LTBP1: variants seen among roughly 807,000 people sequenced by gnomAD.
LTBP1 encodes latent transforming growth factor beta binding protein 1.
In LTBP1, 129 loss-of-function variants were observed where a neutral mutation model predicts 207.6. The observed-to-expected ratio is 0.62, with a 90% CI of 0.54 to 0.72. LTBP1 has a LOEUF of 0.72. Among genes scored for constraint, LTBP1 ranks in the 30% least tolerant of loss-of-function variants. The probability of loss-of-function intolerance (pLI) is 0.00; values close to 1 mark genes in which losing one functional copy is unlikely to be tolerated. For missense variants in LTBP1, 2,281 were observed against 2,217.2 expected (o/e 1.03, Z -0.58); for synonymous variants, 963 against 833.7 (o/e 1.16, Z -2.67).
chr2:33,287,813 G>A (rs1161837069), intron 19 of LTBP1, among the ~76,000 whole-genome samples: 1 of 152,356 alleles, frequency 6.6e-6, no homozygotes, highest in South Asian at 2.1e-4. Context: ...AGAATTGACA[G>A]AGGGGGTGTG....
At chr2:33,172,353 C>A (rs1237199354) in intron 5 of LTBP1, among the ~76,000 whole-genome samples, 1 of 152,064 alleles carries the variant, frequency 6.6e-6, no homozygotes, top group African/African-American at 2.4e-5. Context: ...GGGTTGCAAT[C>A]CTAGTCTCTG....
intron 9 of LTBP1, among the ~76,000 whole-genome samples, chr2:33,228,695 CCCTTTTT>C (rs1277932896): frequency 3.3e-5 from 2 of 60,696 alleles, no homozygotes; most frequent in Admixed American, 3.3e-4. Context: ...CAGGGTTATA[CCCTTTTT>C]TTTTTTTTTT....
At chr2:33,110,495 A>G (rs1652661700) in intron 3 of LTBP1, 87 bp from the exon 4 acceptor site, 1 of 1,239,978 alleles carries the variant, frequency 8.1e-7, no homozygotes, top group Non-Finnish European at 1.1e-6. Context: ...TCCTTTCTAC[A>G]TTTAACTCGT....
chr2:32,965,206 T>A (rs1679763827), intron 2 of LTBP1, among the ~76,000 whole-genome samples: 1 of 151,958 alleles, frequency 6.6e-6, no homozygotes, highest in East Asian at 1.9e-4. Flanking sequence ...TTGAGAGAAG[T>A]TTTAGGTTCA....
chr2:32,990,112 G>A (rs1222950394), intron 2 of LTBP1, among the ~76,000 whole-genome samples: 2 of 152,126 alleles, frequency 1.3e-5, no homozygotes, highest in Non-Finnish European at 2.9e-5. Flanking sequence ...CTTTAAAAAA[G>A]GAATAGCGGC....
chr2:33,351,086 A>G (rs1190077635), intron 26 of LTBP1, among the ~76,000 whole-genome samples: 1 of 152,242 alleles, frequency 6.6e-6, no homozygotes, highest in Non-Finnish European at 1.5e-5. Context: ...GTTATATTAT[A>G]AAGTAATTCT....
chr2:33,329,621 AG>A (rs2094471293), intron 24 of LTBP1, among the ~76,000 whole-genome samples: 2 of 152,092 alleles, frequency 1.3e-5, no homozygotes, highest in South Asian at 2.1e-4. Context: ...ACATCAAATT[AG>A]GTCATCACTG....
intron 19 of LTBP1, among the ~76,000 whole-genome samples, chr2:33,282,088 T>TAA (rs1476437471): frequency 1.5e-4 from 22 of 144,990 alleles, no homozygotes; most frequent in African/African-American, 3.1e-4. Flanking sequence ...TATATATATA[T>TAA]AAACTTTAGT....
chr2:33,161,936 G>T (rs116030664), intron 5 of LTBP1, among the ~76,000 whole-genome samples: 84 of 152,290 alleles, frequency 5.5e-4, no homozygotes, highest in African/African-American at 2.0e-3. Flanking sequence ...GTTTCTTTCA[G>T]ATGGGAACCA....
chr2:33,048,032 GT>G (rs895158265), intron 3 of LTBP1, among the ~76,000 whole-genome samples: 14 of 151,302 alleles, frequency 9.3e-5, no homozygotes, highest in South Asian at 2.1e-4. Context: ...GATGGAAAAA[GT>G]TTTTTTTTAA....
chr2:33,088,898 G>T (rs1050759175), intron 3 of LTBP1, among the ~76,000 whole-genome samples: 29 of 152,226 alleles, frequency 1.9e-4, no homozygotes, highest in Admixed American at 1.7e-3. Flanking sequence ...GCTCATGCTT[G>T]TAATCCCAGC....
chr2:33,244,060 GAA>G (rs1190980256), intron 10 of LTBP1, among the ~76,000 whole-genome samples: 1 of 152,128 alleles, frequency 6.6e-6, no homozygotes, highest in Non-Finnish European at 1.5e-5. Context: ...TTGATGAAAA[GAA>G]AAGAGAGAAT....
At chr2:33,179,930 A>T (rs1301911198) in intron 5 of LTBP1, among the ~76,000 whole-genome samples, 3 of 152,174 alleles carry the variant, frequency 2.0e-5, no homozygotes, top group Non-Finnish European at 4.4e-5. Context: ...CTGTGTCTGT[A>T]TCTGAAACCC....
chr2:32,984,703 C>T (rs1042887302), intron 2 of LTBP1, among the ~76,000 whole-genome samples: 1 of 151,954 alleles, frequency 6.6e-6, no homozygotes, highest in Non-Finnish European at 1.5e-5. Context: ...GATGGATCAC[C>T]TGAGGTCAGG....
At chr2:33,221,292 G>C (rs149200904) in intron 8 of LTBP1, among the ~76,000 whole-genome samples, 1 of 152,140 alleles carries the variant, frequency 6.6e-6, no homozygotes, top group Admixed American at 6.5e-5. Flanking sequence ...TAGAATTTCT[G>C]TGTGAAACCC....
At chr2:33,243,350 A>G (rs576314931) in intron 9 of LTBP1, among the ~76,000 whole-genome samples, 52 of 152,288 alleles carry the variant, frequency 3.4e-4, no homozygotes, top group African/African-American at 1.1e-3. Context: ...TGCCTTACCT[A>G]TATGCTCCAT....
At chr2:32,996,769 ACTGT>A (rs1240647625) in intron 2 of LTBP1, among the ~76,000 whole-genome samples, 6 of 152,310 alleles carry the variant, frequency 3.9e-5, no homozygotes, top group African/African-American at 1.4e-4. Flanking sequence ...TCCAAGGTTG[ACTGT>A]CTAACTTGCA....
intron 26 of LTBP1, among the ~76,000 whole-genome samples, chr2:33,358,202 A>T (rs916689973): frequency 1.3e-5 from 2 of 152,152 alleles, no homozygotes; most frequent in African/African-American, 4.8e-5. Flanking sequence ...CAAATGTCTT[A>T]GAAAATAAGA....
intron 5 of LTBP1, among the ~76,000 whole-genome samples, chr2:33,162,121 A>G (rs12620853): frequency 0.46 from 69,212 of 152,022 alleles, 16,394 homozygotes; most frequent in Non-Finnish European, 0.51. Context: ...TTGGAGGGAG[A>G]CAGTTGTATC....
Sources: gnomAD v4.1 joint callset for allele counts (sites outside exome capture counted in the v4.1 genomes callset) on GRCh38, gnomAD v4.1.1 for gene constraint, MANE v1.5 for transcripts, NCBI Gene and HGNC (gene_info 2026-07-23, HGNC 2026-07-21) for gene names.